GRIP1: variants seen among roughly 807,000 people sequenced by gnomAD.
GRIP1 encodes glutamate receptor-interacting protein 1.
Under a neutral mutation model 129.9 loss-of-function variants are expected in GRIP1, and 45 were observed. The ratio of observed to expected loss-of-function variants is 0.35; its 90% CI spans 0.27 to 0.44. The LOEUF is 0.44. Ranked by LOEUF, GRIP1 falls within the 20% of genes least tolerant of loss-of-function variation. GRIP1 has a pLI of 1.00. For missense variants in GRIP1, 1,196 were observed against 1,396.8 expected, an observed-to-expected ratio of 0.86 and a Z score of 2.29; for synonymous variants, 530 against 520.8, an observed-to-expected ratio of 1.02 and a Z score of -0.24.
Position 66,512,033 on chromosome 12 carries a change from G to A in GRIP1, c.724+3586C>T, listed in dbSNP as rs897817989. Among the ~76,000 whole-genome samples the A allele has an allele frequency of 1.4e-4, 22 of 152,150 alleles. No individual in the cohort carries two copies. In the Middle Eastern group the frequency reaches 0.014, roughly 94 times the overall value. ...AGATCTGATGGTTTAAAAGTGCGTG[G>A]TGCTTCCTCTTTCTCTCTCTTGTCA... On this transcript the variant is annotated intron_variant, in intron 7 of 24. Coordinates refer to ENST00000359742, the MANE Select transcript of GRIP1 (RefSeq NM_001366722.1).
At chr12:66,996,421 C>A (rs897103433) in intron 1 of GRIP1, among the ~76,000 whole-genome samples, 4 of 151,858 alleles carry the variant, frequency 2.6e-5, no homozygotes, top group African/African-American at 9.7e-5. Flanking sequence ...CTAGAGGTAG[C>A]CAACACCTGA....
chr12:67,002,560 A>G (rs1404118161), intron 1 of GRIP1, among the ~76,000 whole-genome samples: 1 of 152,218 alleles, frequency 6.6e-6, no homozygotes, highest in Non-Finnish European at 1.5e-5. Context: ...AAAGCACACT[A>G]AAATTCTCTA....
upstream of GRIP1, among the ~76,000 whole-genome samples, chr12:66,681,314 C>T (rs555575324): frequency 6.6e-6 from 1 of 152,272 alleles, no homozygotes; most frequent in Non-Finnish European, 1.5e-5. Context: ...ACTCCCAGGT[C>T]AACCTTCTTG....
chr12:66,907,273 ATAAAG>A (rs950190827), intron 1 of GRIP1, among the ~76,000 whole-genome samples: 1 of 152,206 alleles, frequency 6.6e-6, no homozygotes, highest in Non-Finnish European at 1.5e-5. Flanking sequence ...GTCGGGGAAA[ATAAAG>A]TAAGATTTTG....
chr12:66,506,562 T>C (rs2060533112), intron 7 of GRIP1, among the ~76,000 whole-genome samples: 1 of 152,188 alleles, frequency 6.6e-6, no homozygotes, highest in South Asian at 2.1e-4. Context: ...ATGGGGCTTT[T>C]GGTGATAATA....
chr12:66,384,667 A>C (rs989394140), intron 19 of GRIP1, among the ~76,000 whole-genome samples: 2 of 152,234 alleles, frequency 1.3e-5, no homozygotes, highest in African/African-American at 4.8e-5. Context: ...AAAGATGCTC[A>C]AAGTAAGAAG....
intron 1 of GRIP1, among the ~76,000 whole-genome samples, chr12:66,958,523 C>A (rs577843712): frequency 2.8e-4 from 42 of 152,284 alleles, no homozygotes; most frequent in African/African-American, 9.6e-4. Context: ...AGCTGTTTCT[C>A]CAAGGAGCCC....
rs79461500 is a variant in GRIP1, at chr12:66,814,589, T to TAA, written c.59-217664_59-217663dup. On this transcript the variant is annotated intron_variant, in intron 1 of 1. Coordinates refer to the GRIP1 transcript ENST00000643019. The stretch of plus-strand genomic sequence containing the variant: ...GCTGCACTAAGTACTAGTGATACCA[T>TAA]AAAAAAAAAAAAAAAAAGCAATGAC... 1.7e-3 allele frequency among the ~76,000 whole-genome samples: 179 copies of TAA among 108,398 alleles called. 1 individual carries two copies. Among genetic ancestry groups the TAA allele is most frequent in the African/African-American group, 5.4e-3 (157 of 28,820 alleles). 71.1% of individuals were successfully genotyped at this position (108,398 alleles called of 152,430 possible). A position where few individuals can be genotyped will look rare whatever the true frequency, so the allele number is the denominator to read the frequency against.
At chr12:66,644,471 T>C (rs2032194725) in intron 1 of GRIP1, among the ~76,000 whole-genome samples, 1 of 152,148 alleles carries the variant, frequency 6.6e-6, no homozygotes, top group Admixed American at 6.5e-5. Context: ...GAAAAACTGA[T>C]ACAGAAAAAC....
intron 1 of GRIP1, among the ~76,000 whole-genome samples, chr12:66,734,551 A>G (rs2036537078): frequency 6.6e-6 from 1 of 152,236 alleles, no homozygotes; most frequent in East Asian, 1.9e-4. Flanking sequence ...AGAAGGAAAC[A>G]AGAGTCAAAA....
At chr12:66,378,349 G>C (rs1396652167) in intron 20 of GRIP1, among the ~76,000 whole-genome samples, 1 of 152,202 alleles carries the variant, frequency 6.6e-6, no homozygotes, top group Non-Finnish European at 1.5e-5. Flanking sequence ...CTAATCGGGG[G>C]TCTAAGGCAG....
chr12:66,727,313 G>A (rs1404582271), intron 1 of GRIP1, among the ~76,000 whole-genome samples: 1 of 152,206 alleles, frequency 6.6e-6, no homozygotes, highest in Non-Finnish European at 1.5e-5. Context: ...TCCCTGCCTT[G>A]TTGACTTTGG....
chr12:66,897,578 AGTCATGATGGTGGCG>A lies in GRIP1; in HGVS notation c.58+171457_58+171471del, dbSNP rs370000351. On this transcript the variant is annotated intron_variant, in intron 1 of 1. Transcript: ENST00000643019. ...ACCAACCTACAAATGCATGGGAGGC[AGTCATGATGGTGGCG>A]GATGAGCTAAACAGACAAGGGTTTT... 1.2e-4 allele frequency among the ~76,000 whole-genome samples: 18 copies of A among 152,354 alleles called. 1 individual carries two copies. The East Asian group carries it at 3.5e-3, about 29-fold the overall frequency.
At chr12:66,665,028 T>C (rs2033718146) in intron 1 of GRIP1, among the ~76,000 whole-genome samples, 1 of 152,172 alleles carries the variant, frequency 6.6e-6, no homozygotes, top group African/African-American at 2.4e-5. Context: ...TCCTTTTTTC[T>C]TTTTAGACAG....
At chr12:66,842,346 T>C (rs1271985023) in intron 1 of GRIP1, among the ~76,000 whole-genome samples, 2 of 152,120 alleles carry the variant, frequency 1.3e-5, no homozygotes, top group African/African-American at 4.8e-5. Flanking sequence ...ATTGGAAGGA[T>C]ATATCATGAT....
intron 1 of GRIP1, among the ~76,000 whole-genome samples, chr12:67,058,926 T>G (rs1396779548): frequency 6.6e-6 from 1 of 152,098 alleles, no homozygotes; most frequent in Non-Finnish European, 1.5e-5. Context: ...AAATCAGATG[T>G]AAGTGTCTGA....
At chr12:66,915,032 T>C (rs2041097263) in intron 1 of GRIP1, among the ~76,000 whole-genome samples, 1 of 152,196 alleles carries the variant, frequency 6.6e-6, no homozygotes, top group African/African-American at 2.4e-5. Context: ...TGTCTCTGGA[T>C]GTCCCAGTTT....
At chr12:66,464,020 G>T (rs1001870438) in intron 8 of GRIP1, among the ~76,000 whole-genome samples, 15 of 152,200 alleles carry the variant, frequency 9.9e-5, no homozygotes, top group African/African-American at 2.9e-4. Flanking sequence ...ACTACGGGGG[G>T]TTGCTGCAGT....
At chr12:66,662,308 C>T (rs2033558014) in intron 1 of GRIP1, among the ~76,000 whole-genome samples, 2 of 152,136 alleles carry the variant, frequency 1.3e-5, no homozygotes, top group Non-Finnish European at 2.9e-5. Context: ...TCCTCTCCTT[C>T]CTCTGAAGTC....
Sources: gnomAD v4.1 joint callset for allele counts (sites outside exome capture counted in the v4.1 genomes callset) on GRCh38, gnomAD v4.1.1 for gene constraint, MANE v1.5 for transcripts, NCBI Gene and HGNC (gene_info 2026-07-23, HGNC 2026-07-21) for gene names.